Variants in RARB observed in about 807,000 individuals in gnomAD.
RARB encodes retinoic acid receptor beta.
In RARB, 17 loss-of-function variants were observed where a neutral mutation model predicts 51.9. That is an observed-to-expected ratio of 0.33 (90% confidence interval 0.22 to 0.49). The LOEUF (loss-of-function observed/expected upper bound fraction) is 0.49. Ranked by LOEUF, RARB falls within the 20% of genes least tolerant of loss-of-function variation. The pLI is 0.99. For synonymous variants in RARB, 215 were observed against 195.4 expected (o/e 1.10, Z -0.84); for missense variants, 369 against 550.8 (o/e 0.67, Z 3.30).
In RARB at chr3:25,009,801, G is replaced by C. The variant is rs532481032; in HGVS notation, c.-379-50324G>C. On this transcript the variant is annotated intron_variant, in intron 2 of 11. Coordinates refer to the RARB transcript ENST00000383772. ...GAAATATGCTCATTTGCCTTATTCTGTCTGGAAAAGGTCAGAGTGGAATGA... is the reference window on the plus strand; with the variant it reads ...GAAATATGCTCATTTGCCTTATTCTCTCTGGAAAAGGTCAGAGTGGAATGA... Among the ~76,000 whole-genome samples the C allele has an allele frequency of 4.6e-5, 7 of 152,148 alleles. No individual in the cohort carries two copies. In the South Asian group the frequency reaches 1.2e-3, roughly 27 times the overall value.
intron 3 of RARB, among the ~76,000 whole-genome samples, chr3:25,106,455 T>TG (rs766938933): frequency 1.1e-5 from 1 of 86,966 alleles, no homozygotes; most frequent in African/African-American, 4.7e-5. Context: ...TTTTTTGTTT[T>TG]TTGTTTTTTT....
chr3:25,412,796 G>C (rs1255376944), intron 5 of RARB, among the ~76,000 whole-genome samples: 1 of 152,140 alleles, frequency 6.6e-6, no homozygotes. Flanking sequence ...GAGGCGGGCA[G>C]ATCACCTCAG....
At chr3:25,125,628 A>G (rs1699848862) in intron 3 of RARB, among the ~76,000 whole-genome samples, 1 of 152,192 alleles carries the variant, frequency 6.6e-6, no homozygotes, top group African/African-American at 2.4e-5. Flanking sequence ...GAATACTCTG[A>G]CAGTGGGATT....
At chr3:25,121,829 C>A (rs573476209) in intron 3 of RARB, among the ~76,000 whole-genome samples, 1 of 152,182 alleles carries the variant, frequency 6.6e-6, no homozygotes, top group South Asian at 2.1e-4. Context: ...GAATAATAAC[C>A]TTGCAGGTAT....
chr3:25,471,971 C>A (rs193243778), intron 2 of RARB, among the ~76,000 whole-genome samples: 1 of 152,260 alleles, frequency 6.6e-6, no homozygotes, highest in Non-Finnish European at 1.5e-5. Flanking sequence ...GCTCAGAGCC[C>A]TTGGTCTTCC....
At chr3:25,409,337 TCTC>T (rs1478974960) in intron 5 of RARB, among the ~76,000 whole-genome samples, 4 of 152,084 alleles carry the variant, frequency 2.6e-5, no homozygotes, top group Admixed American at 6.6e-5. Context: ...CTGCAAACCT[TCTC>T]CTCCTCATCA....
chr3:24,996,224 G>C (rs942429304), intron 2 of RARB, among the ~76,000 whole-genome samples: 1 of 151,874 alleles, frequency 6.6e-6, no homozygotes, highest in African/African-American at 2.4e-5. Flanking sequence ...ATTTCCTCTA[G>C]TTTTTCCAAT....
intron 5 of RARB, among the ~76,000 whole-genome samples, chr3:25,383,512 C>T (rs1014504881): frequency 6.6e-6 from 1 of 152,236 alleles, no homozygotes; most frequent in East Asian, 1.9e-4. Flanking sequence ...AGAATGGTCA[C>T]CATCAGCATC....
At chr3:25,322,219 C>T (rs902589947) in intron 5 of RARB, among the ~76,000 whole-genome samples, 9 of 25,540 alleles carry the variant, frequency 3.5e-4, no homozygotes, top group Non-Finnish European at 7.3e-4. Flanking sequence ...TGTTGGGGGG[C>T]GGGGGGGAAG....
At chr3:25,308,555 T>G (rs923019622) in intron 5 of RARB, among the ~76,000 whole-genome samples, 3 of 151,824 alleles carry the variant, frequency 2.0e-5, no homozygotes, top group Admixed American at 2.0e-4. Context: ...TTCAAGCGAT[T>G]CTCGTGCCTC....
At chr3:25,530,729 C>T (rs1261083979) in intron 3 of RARB, among the ~76,000 whole-genome samples, 2 of 152,200 alleles carry the variant, frequency 1.3e-5, no homozygotes, top group Admixed American at 6.5e-5. Flanking sequence ...ATCTCAATTC[C>T]ATCTGCAACT....
chr3:25,454,168 C>T (rs745997513), intron 1 of RARB, among the ~76,000 whole-genome samples: 1 of 152,196 alleles, frequency 6.6e-6, no homozygotes, highest in Non-Finnish European at 1.5e-5. Flanking sequence ...CACACGAGTT[C>T]ATACACGCAT....
At chr3:25,585,455 G>T (rs1701345652) in intron 5 of RARB, among the ~76,000 whole-genome samples, 1 of 152,224 alleles carries the variant, frequency 6.6e-6, no homozygotes, top group South Asian at 2.1e-4. Flanking sequence ...GACTTGCTTT[G>T]CCAGGGTTTG....
At chr3:25,019,195 A>G (rs575910500) in intron 2 of RARB, among the ~76,000 whole-genome samples, 87 of 152,324 alleles carry the variant, frequency 5.7e-4, no homozygotes, top group Middle Eastern at 3.4e-3. Context: ...AAATAATTTT[A>G]TATCTAGGAT....
chr3:25,240,332 C>T (rs774852889), intron 5 of RARB, among the ~76,000 whole-genome samples: 1 of 152,032 alleles, frequency 6.6e-6, no homozygotes, highest in Non-Finnish European at 1.5e-5. Context: ...TTTCTCATAC[C>T]TGATTGCTGT....
chr3:25,201,824 T>A (rs1042806842), intron 5 of RARB, among the ~76,000 whole-genome samples: 3 of 152,196 alleles, frequency 2.0e-5, no homozygotes, highest in African/African-American at 4.8e-5. Context: ...GCTGCTGGAT[T>A]TGGTTTGCCA....
intron 3 of RARB, among the ~76,000 whole-genome samples, chr3:25,545,536 C>T (rs1283762078): frequency 2.0e-5 from 3 of 152,140 alleles, no homozygotes; most frequent in Non-Finnish European, 2.9e-5. Flanking sequence ...CAACGTTCAC[C>T]CGCTCTCCAC....
intron 5 of RARB, among the ~76,000 whole-genome samples, chr3:25,316,690 T>C (rs1704433383): frequency 6.6e-6 from 1 of 152,142 alleles, no homozygotes. Flanking sequence ...GTATTAGCAG[T>C]TGACAGTAAA....
chr3:25,418,289 T>C (rs1707763501), intron 5 of RARB, among the ~76,000 whole-genome samples: 1 of 152,190 alleles, frequency 6.6e-6, no homozygotes, highest in Non-Finnish European at 1.5e-5. Flanking sequence ...AATATAATTT[T>C]TTTTGTCTAT....
Sources: gnomAD v4.1 joint callset for allele counts (sites outside exome capture counted in the v4.1 genomes callset) on GRCh38, gnomAD v4.1.1 for gene constraint, MANE v1.5 for transcripts, NCBI Gene and HGNC (gene_info 2026-07-23, HGNC 2026-07-21) for gene names.